The following CSMD1 variants were observed in gnomAD, a reference collection of about 807,000 sequenced individuals.
The protein encoded by CSMD1 is CUB and Sushi multiple domains 1.
In CSMD1, 213 loss-of-function variants were observed where a neutral mutation model predicts 417.5. That is an observed-to-expected ratio of 0.51 (90% CI 0.46 to 0.57). The LOEUF is 0.57. Ranked by LOEUF, CSMD1 falls within the 20% of genes least tolerant of loss-of-function variation. The pLI, the probability that CSMD1 is intolerant of heterozygous loss-of-function variation, is 0.00. For synonymous variants in CSMD1, 2,862 were observed against 1,736.8 expected, an observed-to-expected ratio of 1.65 and a Z score of -16.11; for missense variants, 6,923 against 4,529.7, an observed-to-expected ratio of 1.53 and a Z score of -15.17.
chr8:3,976,082 G>A (rs1227604514), intron 5 of CSMD1, among the ~76,000 whole-genome samples: 1 of 150,590 alleles, frequency 6.6e-6, no homozygotes, highest in African/African-American at 2.4e-5. Context: ...TTTTTGGGGG[G>A]GTCACGAACT....
chr8:4,357,791 G>A (rs966121226), intron 3 of CSMD1, among the ~76,000 whole-genome samples: 2 of 152,120 alleles, frequency 1.3e-5, no homozygotes, highest in East Asian at 3.8e-4. Context: ...AGGATGGGGA[G>A]ACAGAGGAGG....
At chr8:4,720,878 C>G (rs944871805) in intron 1 of CSMD1, among the ~76,000 whole-genome samples, 5 of 152,188 alleles carry the variant, frequency 3.3e-5, no homozygotes, top group African/African-American at 1.2e-4. Flanking sequence ...CTAGTGCCGT[C>G]TCTGGTACAA....
chr8:2,951,083 C>G, intron 66 of CSMD1, 31 bp downstream of exon 66: 1 of 1,600,002 alleles, frequency 6.2e-7, no homozygotes, highest in African/African-American at 1.3e-5. Flanking sequence ...TCTGCTCACA[C>G]CATGCGTTTA....
Position 3,593,382 on chromosome 8 carries a change from G to A in CSMD1, c.1098-7122C>T, listed in dbSNP as rs550590673. Among the ~76,000 whole-genome samples the A allele has an allele frequency of 4.6e-5, 7 of 152,324 alleles. No individual in the cohort carries two copies. In the South Asian group the frequency reaches 8.3e-4, roughly 18 times the overall value. On this transcript the variant is annotated intron_variant, in intron 8 of 69. Coordinates refer to ENST00000635120, the MANE Select transcript of CSMD1 (RefSeq NM_033225.6). ...GTGGGAGGAGCCCGTGATGGAGAAG[G>A]TCAAGCCCATGAGCCTCCCCCAGGT...
At chr8:4,970,811 A>G (rs2117380391) in intron 1 of CSMD1, among the ~76,000 whole-genome samples, 1 of 152,244 alleles carries the variant, frequency 6.6e-6, no homozygotes, top group South Asian at 2.1e-4. Flanking sequence ...AAACCAGGTA[A>G]TACCCTAGCT....
In CSMD1 at chr8:3,108,692, A is replaced by G; in HGVS notation, c.6665T>C (p.Leu2222Pro). The G allele has an allele frequency of 6.2e-7, 1 of 1,613,654 alleles. No individual in the cohort carries two copies. The highest frequency in any genetic ancestry group is 8.5e-7 in the Non-Finnish European group (1 of 1,179,770). ...GTTGGTGGAGCTATACGCCGTTTCGAGGGCTGTGTTGCCACTGAAAACTCC... is the reference window on the plus strand; with the variant it reads ...GTTGGTGGAGCTATACGCCGTTTCGGGGGCTGTGTTGCCACTGAAAACTCC... ...QLGVFSGNTA[L>P]ETAYSSTNQV... Residue 2222 changes from leucine (L) to proline (P), a missense_variant, in exon 44 of 70, where the codon CTC (leucine) becomes CCC (proline). Physicochemically the swap from Leu to Pro is moderately conservative, Grantham distance 98. Transcript: ENST00000635120.
chr8:4,699,971 T>C (rs1807411956), intron 1 of CSMD1, among the ~76,000 whole-genome samples: 1 of 152,206 alleles, frequency 6.6e-6, no homozygotes, highest in Non-Finnish European at 1.5e-5. Context: ...GATTCTGTAA[T>C]TCTCTCTCAT....
At chr8:4,230,217 C>T (rs1022448557) in intron 3 of CSMD1, among the ~76,000 whole-genome samples, 15 of 152,080 alleles carry the variant, frequency 9.9e-5, no homozygotes, top group Admixed American at 3.3e-4. Context: ...TCCCTCTAAT[C>T]TTAATAAATG....
chr8:3,712,442 C>CAGAG (rs59274858), intron 6 of CSMD1, among the ~76,000 whole-genome samples: 1 of 79,908 alleles, frequency 1.3e-5, no homozygotes, highest in African/African-American at 3.6e-5. Flanking sequence ...GACAGACAGA[C>CAGAG]AGAGAGAGAG....
intron 3 of CSMD1, among the ~76,000 whole-genome samples, chr8:4,071,658 T>C (rs1037140299): frequency 6.6e-6 from 1 of 152,160 alleles, no homozygotes; most frequent in Non-Finnish European, 1.5e-5. Flanking sequence ...TGTGGAGTGA[T>C]TAGTTGTTGT....
chr8:4,461,372 C>G (rs984652288), intron 2 of CSMD1, among the ~76,000 whole-genome samples: 1 of 150,956 alleles, frequency 6.6e-6, no homozygotes, highest in Non-Finnish European at 1.5e-5. Flanking sequence ...GGCAGTGATG[C>G]AGGAAATTTA....
intron 5 of CSMD1, among the ~76,000 whole-genome samples, chr8:3,920,135 G>T (rs1809128525): frequency 6.6e-6 from 1 of 152,004 alleles, no homozygotes; most frequent in African/African-American, 2.4e-5. Flanking sequence ...CCACACTCAG[G>T]TGATCTTCCT....
chr8:4,057,120 C>T (rs1798736925), intron 3 of CSMD1, among the ~76,000 whole-genome samples: 1 of 152,192 alleles, frequency 6.6e-6, no homozygotes, highest in African/African-American at 2.4e-5. Flanking sequence ...CACTGACTTC[C>T]ACAAGGGTTG....
chr8:3,575,846 T>G (rs113021354), intron 9 of CSMD1, among the ~76,000 whole-genome samples: 19 of 7,204 alleles, frequency 2.6e-3, no homozygotes, highest in South Asian at 0.016. Flanking sequence ...TGAAAGGAGT[T>G]TTTTTTTTTT....
chr8:3,665,751 G>GGT (rs141591860), intron 7 of CSMD1, among the ~76,000 whole-genome samples: 23,574 of 152,086 alleles, frequency 0.16, 2,047 homozygotes, highest in South Asian at 0.22. Context: ...AATATAGGAA[G>GGT]GTGTTTATCC....
At chr8:4,578,052 G>A (rs528329291) in intron 2 of CSMD1, among the ~76,000 whole-genome samples, 1 of 152,292 alleles carries the variant, frequency 6.6e-6, no homozygotes, top group Admixed American at 6.5e-5. Flanking sequence ...TCATTAATGT[G>A]TGTAAAAAGT....
chr8:3,370,953 G>A (rs1809907570), intron 18 of CSMD1, among the ~76,000 whole-genome samples: 1 of 151,744 alleles, frequency 6.6e-6, no homozygotes, highest in African/African-American at 2.4e-5. Context: ...TCCAGCCTGG[G>A]GCAACAAGAG....
intron 3 of CSMD1, among the ~76,000 whole-genome samples, chr8:4,089,312 A>G (rs1800592957): frequency 6.6e-6 from 1 of 152,194 alleles, no homozygotes; most frequent in Non-Finnish European, 1.5e-5. Flanking sequence ...TTGAAAGAAG[A>G]AAGAAGGAAA....
At chr8:4,187,557 T>C (rs182234166) in intron 3 of CSMD1, among the ~76,000 whole-genome samples, 227 of 151,150 alleles carry the variant, frequency 1.5e-3, no homozygotes, top group African/African-American at 4.3e-3. Context: ...GGTAGGAGAA[T>C]CGCCTGAACC....
Sources: gnomAD v4.1 joint callset for allele counts (sites outside exome capture counted in the v4.1 genomes callset) on GRCh38, gnomAD v4.1.1 for gene constraint, MANE v1.5 for transcripts, NCBI Gene and HGNC (gene_info 2026-07-23, HGNC 2026-07-21) for gene names.